Variants in GNB4 observed in about 807,000 individuals in gnomAD.
The protein encoded by GNB4 is guanine nucleotide-binding protein subunit beta-4.
A neutral mutation model predicts 45.2 loss-of-function variants in GNB4; 28 were observed. That is an observed-to-expected ratio of 0.62 (90% CI 0.46 to 0.85). GNB4 has a LOEUF of 0.85. Ranked by LOEUF, GNB4 falls within the 40% of genes least tolerant of loss-of-function variation. GNB4 has a pLI of 0.00. For synonymous variants in GNB4, 132 were observed against 143.7 expected (o/e 0.92, Z 0.58); for missense variants, 321 against 425.4 (o/e 0.75, Z 2.16).
At chr3:179,421,772 CTAAG>C (rs968300707) in intron 2 of GNB4, among the ~76,000 whole-genome samples, 1 of 152,148 alleles carries the variant, frequency 6.6e-6, no homozygotes, top group South Asian at 2.1e-4. Context: ...CAGAATATTT[CTAAG>C]TAAGGGTGTT....
At chr3:179,469,929 G>A in the GNB4 span, among the ~76,000 whole-genome samples, 11 of 152,164 alleles carry the variant, frequency 7.2e-5, no homozygotes, top group African/African-American at 2.2e-4. Flanking sequence ...TCAGTCTTAC[G>A]CAGCCATGTG....
At chr3:179,403,758 A>G (rs961622659) in intron 9 of GNB4, among the ~76,000 whole-genome samples, 1 of 151,966 alleles carries the variant, frequency 6.6e-6, no homozygotes, top group Non-Finnish European at 1.5e-5. Flanking sequence ...AGATCATGCC[A>G]CTGCACTCCA....
intron 1 of GNB4, among the ~76,000 whole-genome samples, chr3:179,438,176 T>G (rs544959151): frequency 6.6e-6 from 1 of 152,214 alleles, no homozygotes; most frequent in South Asian, 2.1e-4. Context: ...ATTACGTGTA[T>G]GTACACAACT....
At chr3:179,434,531 G>C (rs747340211) in intron 1 of GNB4, among the ~76,000 whole-genome samples, 25 of 152,096 alleles carry the variant, frequency 1.6e-4, no homozygotes, top group Non-Finnish European at 3.5e-4. Context: ...GACCAACCTG[G>C]CCAATGTGGG....
At chr3:179,517,137 C>T in the GNB4 span, among the ~76,000 whole-genome samples, 12 of 152,244 alleles carry the variant, frequency 7.9e-5, no homozygotes, top group South Asian at 4.1e-4. Context: ...TCCAGATGGC[C>T]GGTTCCTGCC....
chr3:179,437,512 CG>C (rs1715485241), intron 1 of GNB4, among the ~76,000 whole-genome samples: 1 of 151,648 alleles, frequency 6.6e-6, no homozygotes, highest in Non-Finnish European at 1.5e-5. Flanking sequence ...TTGCAGTGAG[CG>C]GAAGATTGCA....
the GNB4 span, among the ~76,000 whole-genome samples, chr3:179,524,344 T>C: frequency 0.68 from 103,900 of 152,218 alleles, 36,112 homozygotes; most frequent in East Asian, 0.98. Context: ...GGAGGAATCC[T>C]GGGCTGTGGG....
At chr3:179,409,736 G>C (rs1304966348) in intron 8 of GNB4, among the ~76,000 whole-genome samples, 1 of 151,182 alleles carries the variant, frequency 6.6e-6, no homozygotes, top group Non-Finnish European at 1.5e-5. Flanking sequence ...CTTGAAACTG[G>C]GAGGCAGAGG....
chr3:179,464,646 A>T, the GNB4 span: 1 of 1,126,738 alleles, frequency 8.9e-7, no homozygotes, highest in Admixed American at 1.7e-5. Context: ...CAACAGTGAG[A>T]CAATTGTGAA....
chr3:179,519,642 A>G, the GNB4 span, among the ~76,000 whole-genome samples: 1 of 152,054 alleles, frequency 6.6e-6, no homozygotes, highest in Non-Finnish European at 1.5e-5. Context: ...TAACTAAATG[A>G]TCTGCTTCCC....
intron 9 of GNB4, among the ~76,000 whole-genome samples, chr3:179,401,853 T>TTAACC (rs1714312482): frequency 6.6e-6 from 1 of 152,202 alleles, no homozygotes; most frequent in Non-Finnish European, 1.5e-5. Flanking sequence ...ATGTTATTGG[T>TTAACC]TATAACTTTC....
chr3:179,480,171 C>G, the GNB4 span, among the ~76,000 whole-genome samples: 1 of 152,248 alleles, frequency 6.6e-6, no homozygotes, highest in African/African-American at 2.4e-5. Context: ...CGCCAGATGA[C>G]AGTGCCATGC....
At chr3:179,471,495 C>T in the GNB4 span, among the ~76,000 whole-genome samples, 1 of 152,208 alleles carries the variant, frequency 6.6e-6, no homozygotes, top group African/African-American at 2.4e-5. Context: ...TAATTGCCTA[C>T]AGTATTTAGT....
At chr3:179,460,155 C>G in the GNB4 span, among the ~76,000 whole-genome samples, 2 of 152,142 alleles carry the variant, frequency 1.3e-5, no homozygotes, top group African/African-American at 4.8e-5. Flanking sequence ...GGCCTTATTG[C>G]TTGTTACAGA....
chr3:179,436,989 A>G (rs1370280011), intron 1 of GNB4, among the ~76,000 whole-genome samples: 3 of 152,118 alleles, frequency 2.0e-5, no homozygotes, highest in Non-Finnish European at 2.9e-5. Flanking sequence ...CTCTCATCAA[A>G]TATTTACTGA....
the GNB4 span, among the ~76,000 whole-genome samples, chr3:179,519,796 C>T: frequency 1.3e-5 from 2 of 152,098 alleles, no homozygotes; most frequent in African/African-American, 4.8e-5. Context: ...GATCATGCAC[C>T]CCTCACCATC....
intron 1 of GNB4, among the ~76,000 whole-genome samples, chr3:179,446,819 C>G (rs1008832148): frequency 1.3e-5 from 2 of 152,144 alleles, no homozygotes; most frequent in African/African-American, 4.8e-5. Flanking sequence ...CTCTGGAAAC[C>G]GTCTTCTCCA....
chr3:179,401,340 A>G, intron 9 of GNB4, 21 bp from the exon 10 acceptor site: 1 of 1,569,964 alleles, frequency 6.4e-7, no homozygotes, highest in African/African-American at 1.4e-5. Context: ...AATTCAGTAA[A>G]AAATTGGCAA....
At chr3:179,443,842 A>G (rs1402505615) in intron 1 of GNB4, among the ~76,000 whole-genome samples, 3 of 152,160 alleles carry the variant, frequency 2.0e-5, no homozygotes, top group African/African-American at 7.2e-5. Context: ...CCCATCCCCA[A>G]TTCTCTACCC....
Sources: allele counts gnomAD v4.1 joint callset (sites outside exome capture counted in the v4.1 genomes callset), GRCh38; gene constraint gnomAD v4.1.1; transcripts MANE v1.5; gene names NCBI Gene and HGNC (gene_info 2026-07-23, HGNC 2026-07-21).